The following LEMD3 variants were observed in gnomAD, a reference collection of about 807,000 sequenced individuals.
LEMD3 encodes the protein LEM domain containing 3, also known as inner nuclear membrane protein Man1.
Under a neutral mutation model 95.2 loss-of-function variants are expected in LEMD3, and 33 were observed. The ratio of observed to expected loss-of-function variants is 0.35; its 90% CI spans 0.26 to 0.46. The LOEUF (loss-of-function observed/expected upper bound fraction) is 0.46, where lower values mean the gene tolerates loss of function less well. Ranked by LOEUF, LEMD3 falls within the 20% of genes least tolerant of loss-of-function variation. The pLI is 1.00. For missense variants in LEMD3, 1,210 were observed against 1,192.8 expected (o/e 1.01, Z -0.21); for synonymous variants, 525 against 474.6 (o/e 1.11, Z -1.38).
intron 2 of LEMD3, among the ~76,000 whole-genome samples, chr12:65,215,019 C>G (rs1002501330): frequency 6.6e-6 from 1 of 152,128 alleles, no homozygotes; most frequent in Non-Finnish European, 1.5e-5. Context: ...GGGTAGTATT[C>G]CTGATGCACA....
chr12:65,225,580 T>A (rs936387653), intron 4 of LEMD3, among the ~76,000 whole-genome samples: 2 of 152,164 alleles, frequency 1.3e-5, no homozygotes, highest in Non-Finnish European at 2.9e-5. Flanking sequence ...GCTATCCAAC[T>A]CTTTTGTTTG....
At chr12:65,241,913 G>A in intron 9 of LEMD3, among the ~76,000 whole-genome samples, 1 of 152,126 alleles carries the variant, frequency 6.6e-6, no homozygotes, top group Non-Finnish European at 1.5e-5. Context: ...AACAGCTAAA[G>A]CAGGCAGGGC....
intron 1 of LEMD3, among the ~76,000 whole-genome samples, chr12:65,196,075 A>G (rs1038792775): frequency 2.6e-5 from 4 of 152,002 alleles, no homozygotes; most frequent in African/African-American, 7.2e-5. Context: ...GGTTAAAGAT[A>G]CAGACCTGGT....
chr12:65,179,677 G>A (rs1868840690), intron 1 of LEMD3, among the ~76,000 whole-genome samples: 1 of 152,146 alleles, frequency 6.6e-6, no homozygotes, highest in Admixed American at 6.5e-5. Flanking sequence ...TAATACCTAG[G>A]TGATGGGTTG....
At chr12:65,218,946 G>A (rs1261504689) in intron 4 of LEMD3, among the ~76,000 whole-genome samples, 2 of 151,810 alleles carry the variant, frequency 1.3e-5, no homozygotes, top group Non-Finnish European at 2.9e-5. Context: ...CCACCACCTC[G>A]CCCAGCTAAT....
At chr12:65,179,779 A>T (rs1868843965) in intron 1 of LEMD3, among the ~76,000 whole-genome samples, 1 of 152,236 alleles carries the variant, frequency 6.6e-6, no homozygotes, top group Non-Finnish European at 1.5e-5. Flanking sequence ...ATAACATTTT[A>T]AAAAAGATGT....
chr12:65,237,312 G>A (rs1464053405), intron 4 of LEMD3, among the ~76,000 whole-genome samples: 1 of 152,062 alleles, frequency 6.6e-6, no homozygotes, highest in African/African-American at 2.4e-5. Context: ...TATTCAATCT[G>A]TCATGATGTT....
intron 4 of LEMD3, among the ~76,000 whole-genome samples, chr12:65,228,779 G>A (rs1031162845): frequency 6.6e-6 from 1 of 152,144 alleles, no homozygotes; most frequent in Non-Finnish European, 1.5e-5. Context: ...AATGTGTAAT[G>A]ATACAGTCAG....
intron 1 of LEMD3, among the ~76,000 whole-genome samples, chr12:65,201,202 C>CT (rs1161690201): frequency 6.6e-6 from 1 of 152,120 alleles, no homozygotes; most frequent in Non-Finnish European, 1.5e-5. Context: ...ATTATTGTAA[C>CT]TTTAGATAAG....
intron 1 of LEMD3, among the ~76,000 whole-genome samples, chr12:65,188,256 G>A: frequency 6.6e-6 from 1 of 152,068 alleles, no homozygotes. Flanking sequence ...ATACTGCAGG[G>A]TTGAAGTACA....
chr12:65,174,719 T>C (rs1280388090), intron 1 of LEMD3, among the ~76,000 whole-genome samples: 2 of 152,180 alleles, frequency 1.3e-5, no homozygotes, highest in African/African-American at 2.4e-5. Flanking sequence ...CCCGGTATTA[T>C]TTTAAGCAGC....
intron 1 of LEMD3, among the ~76,000 whole-genome samples, chr12:65,184,704 A>G (rs915736394): frequency 1.3e-5 from 2 of 152,158 alleles, no homozygotes; most frequent in African/African-American, 4.8e-5. Flanking sequence ...TTTTATGCTC[A>G]TTCGTATCTC....
chr12:65,173,522 A>T (rs1197245341), intron 1 of LEMD3, among the ~76,000 whole-genome samples: 1 of 152,322 alleles, frequency 6.6e-6, no homozygotes, highest in South Asian at 2.1e-4. Context: ...CAAGCTCCTT[A>T]ATCTCTGAGC....
intron 4 of LEMD3, among the ~76,000 whole-genome samples, chr12:65,225,967 C>A (rs921819003): frequency 9.9e-5 from 15 of 152,158 alleles, no homozygotes; most frequent in African/African-American, 3.6e-4. Flanking sequence ...CAGAAGCCAG[C>A]GAGGCAACAC....
chr12:65,170,334 C>T lies in LEMD3; in HGVS notation c.738C>T (p.Gly246=), dbSNP rs1868486995. Residue 246 remains glycine (G), a synonymous_variant, in exon 1 of 13, where the codon GGC becomes GGT. Coordinates refer to ENST00000308330, the MANE Select transcript of LEMD3 (RefSeq NM_014319.5). ...TCTGGGCGAGCCGGACCGTGAATGG[C>T]AGCCGGCTTGTCCCCTACAGCTGCC... ...EPLWASRTVN[G]SRLVPYSCRE... The T allele has an allele frequency of 6.2e-7, 1 of 1,604,136 alleles. No individual in the cohort carries two copies. Among genetic ancestry groups the T allele is most frequent in the Non-Finnish European group, 8.5e-7 (1 of 1,175,356 alleles).
At chr12:65,211,038 T>TA (rs995617634) in intron 2 of LEMD3, 75 bp downstream of exon 2, 27 of 1,057,640 alleles carry the variant, frequency 2.6e-5, no homozygotes, top group Non-Finnish European at 2.8e-5. Flanking sequence ...GACTATCAAC[T>TA]AAAAAAAAGT....
At chr12:65,222,751 AT>A (rs750582004) in intron 4 of LEMD3, among the ~76,000 whole-genome samples, 4 of 150,242 alleles carry the variant, frequency 2.7e-5, no homozygotes, top group African/African-American at 4.9e-5. Flanking sequence ...CTCATTTGAG[AT>A]TTTTTTTTCT....
intron 1 of LEMD3, among the ~76,000 whole-genome samples, chr12:65,173,416 AGTAAATG>A (rs1474685447): frequency 1.3e-5 from 2 of 152,234 alleles, no homozygotes; most frequent in African/African-American, 2.4e-5. Flanking sequence ...TTTACATTTT[AGTAAATG>A]GTAAATGTGA....
intron 1 of LEMD3, among the ~76,000 whole-genome samples, chr12:65,183,988 G>A (rs1868984632): frequency 6.6e-6 from 1 of 152,116 alleles, no homozygotes; most frequent in Non-Finnish European, 1.5e-5. Context: ...GGAAAGCTCA[G>A]CTCCTATTGG....
Sources: allele counts gnomAD v4.1 joint callset (sites outside exome capture counted in the v4.1 genomes callset), GRCh38; gene constraint gnomAD v4.1.1; transcripts MANE v1.5; gene names NCBI Gene and HGNC (gene_info 2026-07-23, HGNC 2026-07-21).